The following ZFHX3 variants were observed in gnomAD, a reference collection of about 807,000 sequenced individuals.
ZFHX3 encodes the protein zinc finger homeobox protein 3.
In ZFHX3, 42 loss-of-function variants were observed where a neutral mutation model predicts 279.1. The ratio of observed to expected loss-of-function variants is 0.15; its 90% CI spans 0.12 to 0.19. ZFHX3 has a LOEUF of 0.19. ZFHX3 is among the 10% of genes least tolerant of loss of function. ZFHX3 has a pLI of 1.00. For synonymous variants in ZFHX3, 2,293 were observed against 1,957.8 expected, an observed-to-expected ratio of 1.17 and a Z score of -4.52; for missense variants, 4,981 against 4,754.0, an observed-to-expected ratio of 1.05 and a Z score of -1.40.
chr16:73,055,692 G>GCACACACACACACACACACA (rs1232763125), intron 1 of ZFHX3, among the ~76,000 whole-genome samples: 5 of 95,196 alleles, frequency 5.3e-5, no homozygotes, highest in African/African-American at 1.7e-4. Flanking sequence ...GCGCGCGCGC[G>GCACACACACACACACACACA]CGCGCGCACA....
chr16:73,116,829 G>A (rs780152762), intron 7 of ZFHX3, among the ~76,000 whole-genome samples: 76 of 152,120 alleles, frequency 5.0e-4, no homozygotes, highest in Admixed American at 1.4e-3. Flanking sequence ...GTTTATTCAC[G>A]CAGGAATGGG....
chr16:72,826,142 C>T (rs2143700729), intron 5 of ZFHX3, among the ~76,000 whole-genome samples: 1 of 152,296 alleles, frequency 6.6e-6, no homozygotes, highest in East Asian at 1.9e-4. Flanking sequence ...CACTATCTTG[C>T]TTGCTGTGCT....
chr16:73,085,060 A>G (rs1233410203), intron 8 of ZFHX3, among the ~76,000 whole-genome samples: 1 of 152,196 alleles, frequency 6.6e-6, no homozygotes, highest in Non-Finnish European at 1.5e-5. Flanking sequence ...TCCTAGAACC[A>G]CAAAAGACCC....
intron 3 of ZFHX3, among the ~76,000 whole-genome samples, chr16:73,411,397 T>G (rs974961451): frequency 1.3e-5 from 2 of 152,176 alleles, no homozygotes; most frequent in East Asian, 3.9e-4. Flanking sequence ...TTTTCAAGAG[T>G]GTTGTTGAAC....
At chr16:72,927,170 G>A (rs1959498302) in intron 3 of ZFHX3, among the ~76,000 whole-genome samples, 1 of 152,184 alleles carries the variant, frequency 6.6e-6, no homozygotes, top group African/African-American at 2.4e-5. Context: ...CACTTGGTCA[G>A]TTTCACTTGG....
intron 1 of ZFHX3, among the ~76,000 whole-genome samples, chr16:73,881,449 A>ACTCT (rs2030147901): frequency 9.4e-6 from 1 of 106,466 alleles, no homozygotes. Flanking sequence ...ACACACACAC[A>ACTCT]CACACTCTCT....
At position 72,796,713 on chromosome 16, in the gene ZFHX3, T is replaced by G; in HGVS notation, c.5969A>C (p.Lys1990Thr). 6.2e-7 allele frequency: 1 copy of G among 1,614,006 alleles called. No individual in the cohort carries two copies. Among genetic ancestry groups the G allele is most frequent in the Non-Finnish European group, 8.5e-7 (1 of 1,180,010 alleles). The change falls in exon 9 of 10, where the codon AAG (lysine) becomes ACG (threonine). Residue 1990 changes from lysine to threonine, a missense_variant. Lys to Thr is a moderately conservative substitution (Grantham distance 78, BLOSUM62 -1). Coordinates refer to ENST00000268489, the MANE Select transcript of ZFHX3 (RefSeq NM_006885.4). ...LEKLECDSCG[K>T]LFSNILILKS... is the part of the protein sequence containing the mutation. ...TAAAATCAAGATGTTGGAAAACAAC[T>G]TGCCGCAGGAGTCACACTCGAGCTT...
In ZFHX3 at chr16:73,587,699, A is replaced by C. The variant is rs150701888; in HGVS notation, c.-1547+92481T>G. The stretch of plus-strand genomic sequence containing the variant: ...CTTTCCAATAAAGAAAACATACCCA[A>C]TAGAGAAATAGTAATTGGAGAGTTT... On this transcript the variant is annotated intron_variant, in intron 2 of 17. Transcript: ENST00000641206. 9.9e-3 allele frequency among the ~76,000 whole-genome samples: 1,512 copies of C among 152,350 alleles called. 23 individuals are homozygous for C. Among genetic ancestry groups the C allele is most frequent in the African/African-American group, 0.034 (1,427 of 41,584 alleles).
At position 73,493,610 on chromosome 16, in the gene ZFHX3, C is replaced by T. The variant is rs545060985; in HGVS notation, c.-1546-37352G>A. 3.2e-4 allele frequency among the ~76,000 whole-genome samples: 49 copies of T among 152,310 alleles called. 1 individual carries two copies. The highest frequency in any genetic ancestry group is 1.2e-3 in the African/African-American group (48 of 41,580). On this transcript the variant is annotated intron_variant, in intron 2 of 17. Transcript: ENST00000641206. ...ACTGTACCTGGGAAGGACAGGTTCA[C>T]ATGGTGCTTGGGTCCAGCCACACAG... is the stretch of plus-strand genomic sequence containing the variant.
At chr16:73,070,676 C>T (rs921348041) in intron 8 of ZFHX3, among the ~76,000 whole-genome samples, 9 of 151,910 alleles carry the variant, frequency 5.9e-5, no homozygotes, top group African/African-American at 2.2e-4. Flanking sequence ...GCAAGGACCA[C>T]GTGACCAATC....
At chr16:73,335,432 G>T (rs537062224) in intron 3 of ZFHX3, among the ~76,000 whole-genome samples, 6 of 152,162 alleles carry the variant, frequency 3.9e-5, no homozygotes, top group Non-Finnish European at 8.8e-5. Flanking sequence ...AATATATCCA[G>T]TATTTCCAGG....
At chr16:73,355,091 G>A (rs1434864509) in intron 3 of ZFHX3, among the ~76,000 whole-genome samples, 9 of 152,106 alleles carry the variant, frequency 5.9e-5, no homozygotes, top group African/African-American at 1.4e-4. Context: ...ATCTCCTAGA[G>A]GTGTGTTCGG....
chr16:73,778,236 TAAA>T (rs10654824), intron 1 of ZFHX3, among the ~76,000 whole-genome samples: 18,581 of 57,750 alleles, frequency 0.32, 2,020 homozygotes, highest in Non-Finnish European at 0.36. Flanking sequence ...GAAGGAGTGT[TAAA>T]AAAAAAAAAA....
In ZFHX3 at chr16:73,457,590, T is replaced by C. The variant is rs181335895; in HGVS notation, c.-1546-1332A>G. On this transcript the variant is annotated intron_variant, in intron 2 of 17. Coordinates refer to the ZFHX3 transcript ENST00000641206. ...GAGTTCAAGACCAGCCTGACCAACA[T>C]GGTGAAACTCTGTCTCTACTAAAAA... Among the ~76,000 whole-genome samples the C allele has an allele frequency of 5.3e-5, 8 of 152,194 alleles. No homozygotes were observed. In the East Asian group the frequency reaches 1.4e-3, roughly 26 times the overall value.
chr16:73,018,521 C>T (rs1964185384), intron 1 of ZFHX3, among the ~76,000 whole-genome samples: 1 of 152,084 alleles, frequency 6.6e-6, no homozygotes, highest in Admixed American at 6.5e-5. Context: ...ATCGCTTGAA[C>T]CCAGGAGGCA....
chr16:73,295,740 G>C (rs1380855451), intron 4 of ZFHX3, among the ~76,000 whole-genome samples: 1 of 152,202 alleles, frequency 6.6e-6, no homozygotes, highest in African/African-American at 2.4e-5. Context: ...GGATGAGAAG[G>C]CAGTGGCTGC....
At chr16:73,546,161 C>T (rs997777825) in intron 2 of ZFHX3, among the ~76,000 whole-genome samples, 2 of 152,316 alleles carry the variant, frequency 1.3e-5, no homozygotes, top group African/African-American at 4.8e-5. Context: ...CGGATATTAA[C>T]ATAGTTGCTA....
intron 4 of ZFHX3, among the ~76,000 whole-genome samples, chr16:72,869,932 A>T (rs1219620512): frequency 6.6e-6 from 1 of 152,232 alleles, no homozygotes; most frequent in Admixed American, 6.5e-5. Context: ...TCATGAAACA[A>T]TACACGAGAA....
chr16:73,724,022 A>AT (rs35891859), intron 1 of ZFHX3, among the ~76,000 whole-genome samples: 1 of 152,204 alleles, frequency 6.6e-6, no homozygotes, highest in Non-Finnish European at 1.5e-5. Flanking sequence ...TAATTCGATG[A>AT]TTTTTTCATA....
Sources: gnomAD v4.1 joint callset for allele counts (sites outside exome capture counted in the v4.1 genomes callset) on GRCh38, gnomAD v4.1.1 for gene constraint, MANE v1.5 for transcripts, NCBI Gene and HGNC (gene_info 2026-07-23, HGNC 2026-07-21) for gene names.